The following RPL36A variants were observed in gnomAD, a reference collection of about 807,000 sequenced individuals.
The protein encoded by RPL36A is large ribosomal subunit protein eL42.
For missense variants in RPL36A, 20 were observed against 81.0 expected, an observed-to-expected ratio of 0.25 and a Z score of 2.89; for synonymous variants, 25 against 28.5, an observed-to-expected ratio of 0.88 and a Z score of 0.39.
At chrX:101,391,955 T>C in intron 3 of RPL36A, 133 bp downstream of exon 3, 1 of 1,185,032 alleles carries the variant, frequency 8.4e-7, no homozygotes. Context: ...ATATATCTAG[T>C]AGGTGATGGA....
chrX:101,391,635 C>G, intron 2 of RPL36A, 71 bp downstream of exon 2: 2 of 1,191,875 alleles, frequency 1.7e-6, no homozygotes, highest in Non-Finnish European at 2.3e-6. Flanking sequence ...GAGTCCGGGT[C>G]TCTCTCCCTC....
chrX:101,391,702 A>C, intron 2 of RPL36A, 53 bp from the exon 3 acceptor site: 2 of 1,204,510 alleles, frequency 1.7e-6, no homozygotes, highest in Non-Finnish European at 2.2e-6. Flanking sequence ...AACCTGTAAG[A>C]CTTACTTGCT....
chrX:101,391,096 C>A (rs782568957), intron 1 of RPL36A, 50 bp downstream of exon 1: 15 of 1,160,828 alleles, frequency 1.3e-5, no homozygotes, highest in East Asian at 3.0e-5. Context: ...ATCTTTCCCC[C>A]CCTTCGTCGC....
intron 2 of RPL36A, 85 bp downstream of exon 2, chrX:101,391,649 G>A (rs1555983442): frequency 1.7e-6 from 2 of 1,193,240 alleles, no homozygotes; most frequent in South Asian, 1.8e-5. Context: ...CTCCCTCCAC[G>A]CCTGGCTTGA....
rs996343094 is a variant in RPL36A at position 101,392,214 on chromosome X, G to C, written c.177+392G>C. On this transcript the variant is annotated intron_variant, in intron 3 of 4. Transcript: ENST00000553110. ...TTGTTTCTCATCACAGAAATCTGCA[G>C]TCAACTACCTGTTCTCGTGAAGTCT... 7 of 954,804 alleles carry C rather than the reference G, an allele frequency of 7.3e-6. No homozygotes were observed. In the African/African-American group the frequency reaches 1.0e-4, roughly 14 times the overall value. The allele number at this position is 954,804 out of a possible 1,213,427, so 78.7% of individuals were successfully genotyped here.
chrX:101,391,712 T>A, intron 2 of RPL36A, 43 bp from the exon 3 acceptor site: 1 of 1,205,747 alleles, frequency 8.3e-7, no homozygotes, highest in Non-Finnish European at 1.1e-6. Context: ...ACTTACTTGC[T>A]GATCTTCAGT....
intron 3 of RPL36A, 126 bp downstream of exon 3, chrX:101,391,948 T>C (rs1332304559): frequency 8.4e-7 from 1 of 1,187,404 alleles, no homozygotes; most frequent in East Asian, 3.0e-5. Flanking sequence ...TGCACTGATA[T>C]ATCTAGTAGG....
intron 3 of RPL36A, among the ~76,000 whole-genome samples, chrX:101,394,219 G>A (rs1927932445): frequency 9.3e-6 from 1 of 107,906 alleles, no homozygotes; most frequent in South Asian, 4.1e-4. Context: ...TGTTATCCCA[G>A]CTACTCAGGA....
At chrX:101,391,690 A>T in intron 2 of RPL36A, 65 bp from the exon 3 acceptor site, 1 of 1,201,075 alleles carries the variant, frequency 8.3e-7, no homozygotes, top group Admixed American at 2.2e-5. Context: ...AAATTAAGAT[A>T]AAACCTGTAA....
intron 3 of RPL36A, chrX:101,392,308 G>A (rs1269345372): frequency 6.9e-6 from 6 of 865,113 alleles, no homozygotes; most frequent in Non-Finnish European, 8.5e-6. Context: ...CTCAGGCTGA[G>A]CGAGTTTCTG....
At chrX:101,391,633 G>C (rs1927807862) in intron 2 of RPL36A, 69 bp downstream of exon 2, 1 of 1,194,742 alleles carries the variant, frequency 8.4e-7, no homozygotes. Flanking sequence ...ACGAGTCCGG[G>C]TCTCTCTCCC....
intron 3 of RPL36A, 73 bp from the exon 4 acceptor site, chrX:101,395,262 T>C: frequency 9.2e-7 from 1 of 1,088,512 alleles, no homozygotes. Flanking sequence ...TAAATAGTAC[T>C]TAAAGTAGTC....
At chrX:101,391,907 AG>A in intron 3 of RPL36A, 85 bp downstream of exon 3, 1 of 1,191,714 alleles carries the variant, frequency 8.4e-7, no homozygotes, top group South Asian at 1.9e-5. Flanking sequence ...TTCATGATAT[AG>A]GTATAGCGTT....
At chrX:101,391,878 T>C (rs1555983500) in intron 3 of RPL36A, 56 bp downstream of exon 3, 2 of 1,197,855 alleles carry the variant, frequency 1.7e-6, no homozygotes, top group Non-Finnish European at 2.3e-6. Flanking sequence ...GGATATGCAC[T>C]TGTCTCTAGT....
chrX:101,391,390 T>C (rs986518374), intron 1 of RPL36A, 69 bp from the exon 2 acceptor site: 1 of 1,160,818 alleles, frequency 8.6e-7, no homozygotes, highest in Middle Eastern at 3.3e-4. Context: ...CAGCTTTAGC[T>C]GGGTAAGGTA....
chrX:101,391,053 C>T lies in RPL36A; in HGVS notation c.3+7C>T. ...TAGCGCTCACGCAAGCATGGTAGGA[C>T]TTGCTGGTGGGGGCCGAGTAACATC... On this transcript the variant is annotated splice_region_variant and intron_variant, in intron 1 of 4. Coordinates refer to ENST00000553110, the MANE Select transcript of RPL36A (RefSeq NM_021029.6). The T allele has an allele frequency of 3.3e-6, 4 of 1,209,986 alleles. No individual in the cohort carries two copies. The highest frequency in any genetic ancestry group is 4.5e-6 in the Non-Finnish European group (4 of 893,436).
chrX:101,392,609 C>T, intron 3 of RPL36A: 3 of 754,196 alleles, frequency 4.0e-6, no homozygotes, highest in Non-Finnish European at 4.7e-6. Flanking sequence ...AAACTAGCAG[C>T]AGCAGAACTC....
At chrX:101,395,071 G>T (rs960396567) in intron 3 of RPL36A, 7 of 154,623 alleles carry the variant, frequency 4.5e-5, no homozygotes, top group Non-Finnish European at 8.3e-5. Context: ...TTACAGGCAT[G>T]AGCCACTGTG....
chrX:101,392,703 A>C (rs1371929549), intron 3 of RPL36A: 2 of 642,066 alleles, frequency 3.1e-6, no homozygotes, highest in Non-Finnish European at 3.7e-6. Flanking sequence ...TGCTGGGTAT[A>C]TACCCAGAAG....
Sources: gnomAD v4.1 joint callset for allele counts (sites outside exome capture counted in the v4.1 genomes callset) on GRCh38, gnomAD v4.1.1 for gene constraint, MANE v1.5 for transcripts, NCBI Gene and HGNC (gene_info 2026-07-23, HGNC 2026-07-21) for gene names.